The following SLC8A1 variants were observed in gnomAD, a reference collection of about 807,000 sequenced individuals.
SLC8A1 encodes sodium/calcium exchanger 1.
A neutral mutation model predicts 68.3 loss-of-function variants in SLC8A1; 18 were observed. The ratio of observed to expected loss-of-function variants is 0.26; its 90% CI spans 0.18 to 0.39. The LOEUF (loss-of-function observed/expected upper bound fraction) is 0.39, where lower values mean the gene tolerates loss of function less well. Ranked by LOEUF, SLC8A1 falls within the 10% of genes least tolerant of loss-of-function variation. The pLI is 1.00. For missense variants in SLC8A1, 985 were observed against 1,156.7 expected, an observed-to-expected ratio of 0.85 and a Z score of 2.15; for synonymous variants, 475 against 415.5, an observed-to-expected ratio of 1.14 and a Z score of -1.74.
At chr2:40,167,802 A>G (rs969560820) in intron 4 of SLC8A1, among the ~76,000 whole-genome samples, 1 of 152,212 alleles carries the variant, frequency 6.6e-6, no homozygotes, top group Non-Finnish European at 1.5e-5. Flanking sequence ...ATTCCTTAAT[A>G]TTCGTTGTGT....
intron 6 of SLC8A1, 83 bp from the exon 10 acceptor site, chr2:40,139,759 G>A (rs1199387957): frequency 9.6e-6 from 14 of 1,452,798 alleles, no homozygotes; most frequent in Admixed American, 5.6e-5. Flanking sequence ...TATCTAGGTC[G>A]GTCATCCCTC....
intron 2 of SLC8A1, chr2:40,209,047 AG>A (rs772612929): frequency 2.0e-5 from 3 of 152,126 alleles, no homozygotes; most frequent in Non-Finnish European, 4.4e-5. Context: ...AAACAAAAGA[AG>A]AAAAAAAAAA....
chr2:40,165,869 A>G (rs2046465239), intron 4 of SLC8A1, among the ~76,000 whole-genome samples: 1 of 152,214 alleles, frequency 6.6e-6, no homozygotes, highest in African/African-American at 2.4e-5. Context: ...GGCCATGCAT[A>G]TAAGAAGGGC....
At chr2:40,242,062 G>A (rs1006376313) in intron 2 of SLC8A1, among the ~76,000 whole-genome samples, 3 of 152,050 alleles carry the variant, frequency 2.0e-5, no homozygotes, top group African/African-American at 2.4e-5. Context: ...ATGGGGCTAT[G>A]ATGTCTCCAT....
At chr2:40,219,388 T>C (rs1211785632) in intron 2 of SLC8A1, among the ~76,000 whole-genome samples, 2 of 152,246 alleles carry the variant, frequency 1.3e-5, no homozygotes, top group Middle Eastern at 3.2e-3. Context: ...ATGGACAGAA[T>C]TGCAGGGAGT....
chr2:40,180,239 T>C (rs151236495), intron 2 of SLC8A1, among the ~76,000 whole-genome samples: 1 of 135,280 alleles, frequency 7.4e-6, no homozygotes, highest in Admixed American at 7.5e-5. Flanking sequence ...ATCTTTAGTA[T>C]AAAAAATTAT....
chr2:40,175,916 G>A (rs1050752318), intron 3 of SLC8A1: 1 of 402,340 alleles, frequency 2.5e-6, no homozygotes, highest in African/African-American at 2.1e-5. Context: ...AAGCTTAATA[G>A]TCCCAGGAAT....
chr2:40,388,555 A>G (rs1386469021), intron 2 of SLC8A1, among the ~76,000 whole-genome samples: 2 of 152,176 alleles, frequency 1.3e-5, no homozygotes, highest in Non-Finnish European at 2.9e-5. Context: ...CACTCTATGC[A>G]TCTAAGCAAC....
intron 2 of SLC8A1, among the ~76,000 whole-genome samples, chr2:40,258,246 T>C (rs145063239): frequency 1.5e-3 from 223 of 152,260 alleles, no homozygotes; most frequent in African/African-American, 5.2e-3. Context: ...GCTCAGCAAT[T>C]TGTTCCTTCA....
intron 2 of SLC8A1, among the ~76,000 whole-genome samples, chr2:40,326,669 T>G (rs186722796): frequency 9.5e-4 from 144 of 152,294 alleles, no homozygotes; most frequent in African/African-American, 3.4e-3. Flanking sequence ...GAAACAAATT[T>G]CTGGTACTGA....
intron 2 of SLC8A1, among the ~76,000 whole-genome samples, chr2:40,371,804 T>C (rs1447145879): frequency 6.6e-6 from 1 of 152,074 alleles, no homozygotes; most frequent in Non-Finnish European, 1.5e-5. Flanking sequence ...GGCAGGCAGA[T>C]TCTGAGGCTG....
intron 2 of SLC8A1, among the ~76,000 whole-genome samples, chr2:40,397,354 G>C (rs1033000684): frequency 6.6e-6 from 1 of 152,148 alleles, no homozygotes; most frequent in Non-Finnish European, 1.5e-5. Flanking sequence ...AAAATTCAGA[G>C]GCAGTTCCAA....
intron 1 of SLC8A1, among the ~76,000 whole-genome samples, chr2:40,481,803 G>T (rs1253230614): frequency 6.6e-6 from 1 of 152,146 alleles, no homozygotes; most frequent in African/African-American, 2.4e-5. Flanking sequence ...CTCTTTAACA[G>T]TTCAGAACAT....
In SLC8A1 at chr2:40,218,982, C is replaced by T. The variant is rs1013441204; in HGVS notation, c.1809-41127G>A. 3.3e-5 allele frequency among the ~76,000 whole-genome samples: 5 copies of T among 152,178 alleles called. No homozygotes were observed. The South Asian group carries it at 1.0e-3, about 31-fold the overall frequency. The stretch of plus-strand genomic sequence containing the variant: ...ACTTAGAAAGCAATATTAGCTAGTG[C>T]TTCACAGGAAACTGGGCTTTCCCTC... On this transcript the variant is annotated intron_variant, in intron 2 of 7. Transcript: ENST00000406785.
intron 1 of SLC8A1, 120 bp downstream of exon 1, chr2:40,451,777 ACACACAC>A (rs1372612330): frequency 1.9e-5 from 3 of 154,962 alleles, no homozygotes; most frequent in East Asian, 1.9e-4. Flanking sequence ...ACACACACAC[ACACACAC>A]AAATTTAGAA....
At chr2:40,265,250 C>T (rs1252476128) in intron 2 of SLC8A1, among the ~76,000 whole-genome samples, 3 of 152,168 alleles carry the variant, frequency 2.0e-5, no homozygotes, top group Non-Finnish European at 4.4e-5. Context: ...TTGTCCATTA[C>T]AGCAGGATAA....
At chr2:40,419,812 T>C (rs568528073) in intron 2 of SLC8A1, among the ~76,000 whole-genome samples, 6 of 152,208 alleles carry the variant, frequency 3.9e-5, no homozygotes, top group Non-Finnish European at 7.3e-5. Context: ...TATGTGTGTG[T>C]GTAAGACAAA....
chr2:40,153,026 A>G (rs2043750399), intron 6 of SLC8A1, among the ~76,000 whole-genome samples: 1 of 152,160 alleles, frequency 6.6e-6, no homozygotes, highest in Admixed American at 6.5e-5. Flanking sequence ...TCCAAATTCA[A>G]TTTTGTCAGT....
At chr2:40,501,614 C>A (rs905305938) in intron 1 of SLC8A1, among the ~76,000 whole-genome samples, 5 of 152,076 alleles carry the variant, frequency 3.3e-5, no homozygotes, top group African/African-American at 1.2e-4. Flanking sequence ...TAGAAATCAC[C>A]CAGTACATTC....
Sources: allele counts gnomAD v4.1 joint callset (sites outside exome capture counted in the v4.1 genomes callset), GRCh38; gene constraint gnomAD v4.1.1; transcripts MANE v1.5; gene names NCBI Gene and HGNC (gene_info 2026-07-23, HGNC 2026-07-21).